ZFYVE26: variants seen among roughly 807,000 people sequenced by gnomAD.
ZFYVE26 encodes zinc finger FYVE-type containing 26, also known as zinc finger FYVE domain-containing protein 26.
Under a neutral mutation model 276.5 loss-of-function variants are expected in ZFYVE26, and 181 were observed. The observed-to-expected ratio is 0.65, with a 90% CI of 0.58 to 0.74. The LOEUF is 0.74. Among genes scored for constraint, ZFYVE26 ranks in the 30% least tolerant of loss-of-function variants. The pLI is 0.00. For missense variants in ZFYVE26, 2,821 were observed against 3,097.9 expected (o/e 0.91, Z 2.12); for synonymous variants, 1,129 against 1,203.1 (o/e 0.94, Z 1.27).
intron 13 of ZFYVE26, among the ~76,000 whole-genome samples, chr14:67,737,482 T>G (rs1442342290): frequency 6.6e-6 from 1 of 152,026 alleles, no homozygotes; most frequent in Non-Finnish European, 1.5e-5. Context: ...TCATGAGAAC[T>G]CTCTCACTAT....
At chr14:67,801,728 G>A (rs1209995374) in intron 10 of ZFYVE26, among the ~76,000 whole-genome samples, 1 of 152,268 alleles carries the variant, frequency 6.6e-6, no homozygotes, top group Middle Eastern at 3.4e-3. Context: ...TTAAAACTTA[G>A]TTTATATATC....
intron 6 of ZFYVE26, 101 bp from the exon 7 acceptor site, chr14:67,805,719 G>A: frequency 7.2e-7 from 1 of 1,385,846 alleles, no homozygotes. Flanking sequence ...GTACAGCAGG[G>A]AGATTTCTGA....
At chr14:67,732,447 C>G (rs1200380757) in intron 13 of ZFYVE26, among the ~76,000 whole-genome samples, 4 of 146,682 alleles carry the variant, frequency 2.7e-5, no homozygotes, top group Admixed American at 2.7e-4. Flanking sequence ...AAAAAAAAAT[C>G]CTCCTCAAAC....
At chr14:67,781,844 T>C (rs2039508687) in intron 21 of ZFYVE26, among the ~76,000 whole-genome samples, 2 of 152,228 alleles carry the variant, frequency 1.3e-5, no homozygotes, top group Admixed American at 1.3e-4. Flanking sequence ...CTCCATGTTT[T>C]GGCATGCTGA....
At chr14:67,751,202 T>C (rs2140179531) in intron 40 of ZFYVE26, 106 bp from the exon 41 acceptor site, 3 of 1,327,966 alleles carry the variant, frequency 2.3e-6, no homozygotes, top group South Asian at 1.2e-5. Context: ...AGAATGAAAA[T>C]GTCTGCCTGA....
Position 67,806,542 on chromosome 14 carries a change from T to TA in ZFYVE26, c.1017+2dup. 1 of 1,614,182 alleles carries TA rather than the reference T, an allele frequency of 6.2e-7. No individual in the cohort carries two copies. The highest frequency in any genetic ancestry group is 1.1e-5 in the South Asian group (1 of 91,086). On this transcript the variant is annotated splice_region_variant and intron_variant, in intron 6 of 41. Coordinates refer to ENST00000347230, the MANE Select transcript of ZFYVE26 (RefSeq NM_015346.4). ...CTGTGATGAACAATTAAGCTTGACT[T>TA]ACCAGAATCTGCTCGAGGAAGTGTT...
intron 27 of ZFYVE26, among the ~76,000 whole-genome samples, chr14:67,772,471 C>T (rs1203797925): frequency 3.9e-5 from 6 of 152,224 alleles, no homozygotes; most frequent in African/African-American, 1.4e-4. Flanking sequence ...CTAGACCTAA[C>T]TACAAGTGTC....
At chr14:67,809,783 T>TC (rs1491317688) in intron 3 of ZFYVE26, among the ~76,000 whole-genome samples, 24 of 2,828 alleles carry the variant, frequency 8.5e-3, no homozygotes, top group Non-Finnish European at 0.077. Flanking sequence ...TTCTTTTCTC[T>TC]TTTTTTTTTT....
intron 35 of ZFYVE26, chr14:67,756,420 T>C: frequency 2.0e-6 from 1 of 499,076 alleles, no homozygotes; most frequent in Non-Finnish European, 3.6e-6. Context: ...CACTCTAATC[T>C]AGCTCTGCAC....
At chr14:67,756,803 T>A (rs1338093722) in intron 35 of ZFYVE26, among the ~76,000 whole-genome samples, 1 of 152,184 alleles carries the variant, frequency 6.6e-6, no homozygotes, top group African/African-American at 2.4e-5. Flanking sequence ...GATGCCTAAA[T>A]CCCCATCTCC....
intron 16 of ZFYVE26, among the ~76,000 whole-genome samples, chr14:67,787,651 A>G (rs1413293745): frequency 1.3e-5 from 2 of 152,192 alleles, no homozygotes; most frequent in Non-Finnish European, 2.9e-5. Flanking sequence ...AAACTGTTTC[A>G]GTGATTAAGA....
Position 67,785,251 on chromosome 14 carries a change from GGGA to G in ZFYVE26, c.3328_3330del (p.Ser1110del), listed in dbSNP as rs760614810. 6.2e-7 allele frequency: 1 copy of G among 1,611,216 alleles called. No individual in the cohort carries two copies. The highest frequency in any genetic ancestry group is 8.5e-7 in the Non-Finnish European group (1 of 1,178,474). ...GCTTTCTGGGCTGCCTGCTCCACCA[GGGA>G]AGACAGTGGAGGAGTCCTGGGCTCT... On this transcript the variant is annotated inframe_deletion, in exon 19 of 42. Transcript: ENST00000347230.
chr14:67,792,897 A>G (rs193172621), intron 14 of ZFYVE26, among the ~76,000 whole-genome samples: 10 of 145,214 alleles, frequency 6.9e-5, no homozygotes, highest in East Asian at 4.1e-4. Context: ...CCTGGGTGAC[A>G]AAAGCAAATC....
intron 35 of ZFYVE26, among the ~76,000 whole-genome samples, chr14:67,757,350 C>T (rs1439754655): frequency 6.6e-6 from 1 of 152,232 alleles, no homozygotes; most frequent in East Asian, 1.9e-4. Flanking sequence ...TGGCCTGTGA[C>T]CTTTCTGACT....
At chr14:67,739,767 A>G (rs1256036060) in intron 13 of ZFYVE26, among the ~76,000 whole-genome samples, 1 of 152,204 alleles carries the variant, frequency 6.6e-6, no homozygotes, top group African/African-American at 2.4e-5. Context: ...ACAGGTGTTC[A>G]CCCAAGTTTT....
At position 67,774,974 on chromosome 14, in the gene ZFYVE26, T is replaced by C. The variant is rs372969553; in HGVS notation, c.5320+42A>G. ...TCTGAAGGATAGAATAAGGCAAGAC[T>C]AAACTGAAAAATTTTAGTGAATCAT... On this transcript the variant is annotated intron_variant, in intron 27 of 41. Coordinates refer to ENST00000347230, the MANE Select transcript of ZFYVE26 (RefSeq NM_015346.4). The C allele has an allele frequency of 2.7e-5, 39 of 1,446,878 alleles. No individual in the cohort carries two copies. The African/African-American group carries it at 5.3e-4, about 20-fold the overall frequency. 89.6% of individuals were successfully genotyped at this position (1,446,878 alleles called of 1,614,324 possible).
intron 32 of ZFYVE26, among the ~76,000 whole-genome samples, chr14:67,764,841 C>G (rs991924910): frequency 3.3e-5 from 5 of 152,116 alleles, no homozygotes; most frequent in African/African-American, 1.2e-4. Flanking sequence ...CTGCCCTGAG[C>G]CTAAAAATGG....
chr14:67,780,401 C>A, intron 22 of ZFYVE26, 56 bp from the exon 23 acceptor site: 2 of 1,488,930 alleles, frequency 1.3e-6, no homozygotes, highest in Non-Finnish European at 1.8e-6. Context: ...CCTCCATGAA[C>A]AAGTCACTGG....
rs2039652018 is a variant in ZFYVE26, at chr14:67,786,205, A to T, written c.3048T>A (p.Asn1016Lys). The T allele has an allele frequency of 6.2e-7, 1 of 1,604,658 alleles. No individual in the cohort carries two copies. Among genetic ancestry groups the T allele is most frequent in the Non-Finnish European group, 8.5e-7 (1 of 1,175,672 alleles). ...CTGGAAAACCTCGAATGCCATCAGC[A>T]TTTAGGAGTACGTGGTCTATCCGTC... is the stretch of plus-strand genomic sequence containing the variant. ...RGRRIDHVLL[N>K]ADGIRGFPVV... The change falls in exon 17 of 42, where the codon AAT becomes AAA. Residue 1016 changes from asparagine (N) to lysine (K), a missense_variant. Transcript: ENST00000347230.
Sources: allele counts gnomAD v4.1 joint callset (sites outside exome capture counted in the v4.1 genomes callset), GRCh38; gene constraint gnomAD v4.1.1; transcripts MANE v1.5; gene names NCBI Gene and HGNC (gene_info 2026-07-23, HGNC 2026-07-21).